Variants in SEC16A observed in about 807,000 individuals in gnomAD.
The protein encoded by SEC16A is SEC16 homolog A, endoplasmic reticulum export factor.
Under a neutral mutation model 221.9 loss-of-function variants are expected in SEC16A, and 110 were observed. That is an observed-to-expected ratio of 0.50 (90% CI 0.42 to 0.58). SEC16A has a LOEUF of 0.58. Among genes scored for constraint, SEC16A ranks in the 20% least tolerant of loss-of-function variants. The pLI is 0.00. For synonymous variants in SEC16A, 1,393 were observed against 1,257.7 expected, an observed-to-expected ratio of 1.11 and a Z score of -2.28; for missense variants, 3,165 against 3,097.8, an observed-to-expected ratio of 1.02 and a Z score of -0.52.
chr9:136,450,978 C>T (rs772795250), intron 23 of SEC16A, among the ~76,000 whole-genome samples: 1 of 152,166 alleles, frequency 6.6e-6, no homozygotes, highest in Non-Finnish European at 1.5e-5. Flanking sequence ...CAGCGGCTGC[C>T]GTCTGGTCCC....
intron 1 of SEC16A, among the ~76,000 whole-genome samples, 170 bp downstream of exon 1, chr9:136,482,768 C>A (rs1185792972): frequency 6.6e-6 from 1 of 151,976 alleles, no homozygotes; most frequent in Non-Finnish European, 1.5e-5. Context: ...GGGGCCCGGA[C>A]GTCTGTCCCC....
rs534233248 is a variant in SEC16A, at chr9:136,466,677, C to T, written c.3930-215G>A. On this transcript the variant is annotated intron_variant, in intron 6 of 31. Coordinates refer to ENST00000684901, the MANE Select transcript of SEC16A (RefSeq NM_014866.2). The surrounding 1 kb of genome is among the most constrained non-coding windows in gnomAD (Gnocchi z 5.5). ...ACTTCTCTGGGCTGCAGGGCGCGAC[C>T]GGTAAGAAGGGACGATGAGAAAGAG... Among the ~76,000 whole-genome samples the T allele has an allele frequency of 1.3e-5, 2 of 152,310 alleles. No homozygotes were observed. Among genetic ancestry groups the T allele is most frequent in the Non-Finnish European group, 2.9e-5 (2 of 68,036 alleles).
chr9:136,470,753 A>G (rs1045156673), intron 4 of SEC16A, among the ~76,000 whole-genome samples: 1 of 152,246 alleles, frequency 6.6e-6, no homozygotes, highest in Non-Finnish European at 1.5e-5. Flanking sequence ...TAAGCTCCTA[A>G]AAACCTCTAA....
chr9:136,472,393 G>A (rs1025525786), intron 3 of SEC16A, among the ~76,000 whole-genome samples: 1 of 152,230 alleles, frequency 6.6e-6, no homozygotes, highest in African/African-American at 2.4e-5. Flanking sequence ...GCCCTGTTCA[G>A]GAGACCTCTG....
chr9:136,474,085 G>A lies in SEC16A; in HGVS notation c.3531C>T (p.Tyr1177=), dbSNP rs1841278317. ...DAYQPQYSLP[Y]PPEPGAASLY... ...GGGAGGCTGCGCCAGGCTCCGGTGG[G>A]TACGGCAAAGAGTACTGAGGCTGGT... The change falls in exon 3 of 32, where the codon TAC becomes TAT. Residue 1177 remains tyrosine, a synonymous_variant. Transcript: ENST00000684901. 6.2e-7 allele frequency: 1 copy of A among 1,611,794 alleles called. No homozygotes were observed. The highest frequency in any genetic ancestry group is 8.5e-7 in the Non-Finnish European group (1 of 1,179,014).
In SEC16A at chr9:136,463,564, G is replaced by A. The variant is rs1332641248; in HGVS notation, c.4546C>T (p.Gln1516Ter). The change falls in exon 11 of 32, where the codon CAG (glutamine) becomes TAG (stop). Residue 1516 changes from glutamine to a stop codon, truncating the protein, a stop_gained. Coordinates refer to ENST00000684901, the MANE Select transcript of SEC16A (RefSeq NM_014866.2). LOFTEE classifies it high-confidence loss of function. ...THKVDVINFAQNKAMKCLQNE... is the reference protein window; with the variant it reads ...THKVDVINFA ...TGCAAACATTTCATAGCTTTGTTCTGTGCAAAATTAATGACATCCACCTTA... is the reference window on the plus strand; with the variant it reads ...TGCAAACATTTCATAGCTTTGTTCTATGCAAAATTAATGACATCCACCTTA... 1.2e-6 allele frequency: 2 copies of A among 1,613,888 alleles called. No individual in the cohort carries two copies. Among genetic ancestry groups the A allele is most frequent in the Admixed American group, 1.7e-5 (1 of 60,032 alleles).
intron 17 of SEC16A, among the ~76,000 whole-genome samples, chr9:136,458,627 CAAAA>C (rs1392292293): frequency 9.8e-6 from 1 of 101,980 alleles, no homozygotes; most frequent in African/African-American, 3.6e-5. Flanking sequence ...GACTCGGTCT[CAAAA>C]AAAAAAAAAA....
upstream of SEC16A, among the ~76,000 whole-genome samples, chr9:136,483,291 C>T (rs1353852185): frequency 7.6e-6 from 1 of 130,830 alleles, no homozygotes; most frequent in African/African-American, 2.8e-5. Context: ...TCCCGCCCCC[C>T]GCCCGTCTTC....
chr9:136,462,824 C>A, intron 12 of SEC16A, 63 bp downstream of exon 12: 1 of 1,562,240 alleles, frequency 6.4e-7, no homozygotes. Context: ...AGGCTGCAAC[C>A]CCGCACCAGG....
At chr9:136,451,139 G>A in intron 23 of SEC16A, 117 bp downstream of exon 23, 1 of 1,080,038 alleles carries the variant, frequency 9.3e-7, no homozygotes, top group Non-Finnish European at 1.3e-6. Flanking sequence ...ACACTCGGCT[G>A]TTTGTATCAG....
Position 136,476,474 on chromosome 9 carries a change from G to C in SEC16A, c.1142C>G (p.Thr381Arg), listed in dbSNP as rs1213076952. ...AGATGAGAGATTCTCCTCATTTTCT[G>C]TCTCTCCCCCTTGGAAAAACATCGC... ...ALAMFFQGGE[T>R]ENEENLSSEK... Residue 381 changes from threonine to arginine, a missense_variant, in exon 3 of 32, where the codon ACA (threonine) becomes AGA (arginine). By Grantham distance (71) the Thr-to-Arg change is moderately conservative. Around this residue, in one of 3 missense-constraint regions of SEC16A, gnomAD observed 2,030 missense variants for 1,923.1 expected, o/e 1.06. Transcript: ENST00000684901. 1 of 1,613,028 alleles carries C rather than the reference G, an allele frequency of 6.2e-7. No homozygotes were observed. Among genetic ancestry groups the C allele is most frequent in the Non-Finnish European group, 8.5e-7 (1 of 1,179,772 alleles).
rs987228785 is a variant in SEC16A at position 136,455,558 on chromosome 9, G to A, written c.5857+43C>T. ...CAGGCCATGGCTCAGCCCACAGGAA[G>A]CAGGGGCTTGTCTGAGGGCAGCAGC... On this transcript the variant is annotated intron_variant, in intron 20 of 31. Coordinates refer to ENST00000684901, the MANE Select transcript of SEC16A (RefSeq NM_014866.2). The A allele has an allele frequency of 6.7e-6, 10 of 1,498,676 alleles. No homozygotes were observed. The Admixed American group carries it at 2.0e-4, about 31-fold the overall frequency. 92.8% of individuals were successfully genotyped at this position (1,498,676 alleles called of 1,614,324 possible). A position where few individuals can be genotyped will look rare whatever the true frequency, so the allele number is the denominator to read the frequency against.
intron 13 of SEC16A, 70 bp downstream of exon 13, chr9:136,461,107 G>A (rs932848319): frequency 1.7e-6 from 2 of 1,209,700 alleles, no homozygotes; most frequent in East Asian, 5.1e-5. Flanking sequence ...CTGCCCCCAG[G>A]GTGCGGACGC....
chr9:136,442,243 TG>T (rs1028114707), intron 31 of SEC16A, among the ~76,000 whole-genome samples: 14 of 152,172 alleles, frequency 9.2e-5, no homozygotes, highest in Non-Finnish European at 1.6e-4. Context: ...CAAAGCCTCA[TG>T]GAGGGGAAAG....
chr9:136,451,163 T>G, intron 23 of SEC16A, 93 bp downstream of exon 23: 1 of 1,294,364 alleles, frequency 7.7e-7, no homozygotes, highest in Non-Finnish European at 1.1e-6. Context: ...GCTATTTGCA[T>G]GTGTGGTGAA....
Position 136,459,534 on chromosome 9 carries a change from G to T in SEC16A, c.5213C>A (p.Ala1738Glu), listed in dbSNP as rs983552207. Residue 1738 changes from alanine to glutamate, a missense_variant, in exon 16 of 32, where the codon GCG becomes GAG. Ala to Glu is a moderately radical substitution (Grantham distance 107, BLOSUM62 -1). This residue lies in a region of SEC16A where 1,088 missense variants were observed against 1,089.6 expected (regional missense o/e 1.00). Coordinates refer to ENST00000684901, the MANE Select transcript of SEC16A (RefSeq NM_014866.2). The surrounding 1 kb of genome is among the most constrained non-coding windows in gnomAD (Gnocchi z 6.1). ...DTLASRGLLDAAHFCYLMAQA... is the reference protein window; with the variant it reads ...DTLASRGLLDEAHFCYLMAQA... ...GGCCATGAGGTAGCAGAAGTGGGCC[G>T]CATCCAAGAGGCCCCTTGAAGCTGC... 2 of 1,601,352 alleles carry T rather than the reference G, an allele frequency of 1.2e-6. No homozygotes were observed. Among genetic ancestry groups the T allele is most frequent in the Non-Finnish European group, 1.7e-6 (2 of 1,173,602 alleles).
At chr9:136,472,876 G>T (rs1841066925) in intron 3 of SEC16A, among the ~76,000 whole-genome samples, 1 of 152,270 alleles carries the variant, frequency 6.6e-6, no homozygotes, top group Non-Finnish European at 1.5e-5. Flanking sequence ...CACGGCGGGA[G>T]GAGTGCACTC....
At chr9:136,454,994 C>A (rs1838408581) in intron 20 of SEC16A, among the ~76,000 whole-genome samples, 1 of 152,124 alleles carries the variant, frequency 6.6e-6, no homozygotes, top group African/African-American at 2.4e-5. Context: ...GCTTGGAGGG[C>A]CTGTGGCCAC....
chr9:136,479,147 A>G (rs1352891843), intron 1 of SEC16A, among the ~76,000 whole-genome samples: 3 of 152,246 alleles, frequency 2.0e-5, no homozygotes, highest in Non-Finnish European at 4.4e-5. Flanking sequence ...AAAAACCTCC[A>G]TCAGTTTTTA....
Sources: allele counts gnomAD v4.1 joint callset (sites outside exome capture counted in the v4.1 genomes callset), GRCh38; gene constraint gnomAD v4.1.1; regional missense constraint gnomAD v4.1.1; non-coding constraint Gnocchi (gnomAD v3.1); transcripts MANE v1.5; gene names NCBI Gene and HGNC (gene_info 2026-07-23, HGNC 2026-07-21).